The following EXOC1L variants were observed in gnomAD, a reference collection of about 807,000 sequenced individuals.
The protein encoded by EXOC1L is exocyst complex component 1-like.
EXOC1L carries 10 observed loss-of-function variants against 4.9 expected under a neutral mutation model. The ratio of observed to expected loss-of-function variants is 2.02; its 90% CI spans 1.25 to 3.43. The LOEUF (loss-of-function observed/expected upper bound fraction) is 3.43. Ranked by LOEUF, EXOC1L falls within the 30% of genes most tolerant of loss-of-function variation. The pLI is 0.00. For missense variants in EXOC1L, 114 were observed against 59.4 expected (o/e 1.92, Z -3.02); for synonymous variants, 41 against 20.8 (o/e 1.97, Z -2.63).
chr4:55,830,724 A>G (rs1720008687), intron 1 of EXOC1L, among the ~76,000 whole-genome samples: 1 of 152,202 alleles, frequency 6.6e-6, no homozygotes, highest in South Asian at 2.1e-4. Context: ...CATTTTGAAT[A>G]CTAGAATTTG....
chr4:55,831,231 G>T (rs1720022075), intron 1 of EXOC1L, 103 bp from the exon 2 acceptor site: 3 of 490,290 alleles, frequency 6.1e-6, no homozygotes, highest in Non-Finnish European at 1.1e-5. Context: ...TGGGTTCAAG[G>T]TCATTTTATT....
At chr4:55,823,003 A>G (rs181392816) in intron 1 of EXOC1L, among the ~76,000 whole-genome samples, 23 of 151,148 alleles carry the variant, frequency 1.5e-4, no homozygotes, top group Admixed American at 4.0e-4. Flanking sequence ...TTAATATAAA[A>G]TTAAAAATTG....
At chr4:55,824,423 C>T (rs11722734) in intron 1 of EXOC1L, among the ~76,000 whole-genome samples, 16,027 of 152,018 alleles carry the variant, frequency 0.11, 1,379 homozygotes, top group East Asian at 0.47. Context: ...AGTGCAGTGG[C>T]CTGATCTTGG....
chr4:55,821,211 C>A (rs961717459), intron 1 of EXOC1L, among the ~76,000 whole-genome samples: 4 of 151,734 alleles, frequency 2.6e-5, no homozygotes, highest in Non-Finnish European at 2.9e-5. Context: ...TAATATTTAC[C>A]CAATAATAAC....
chr4:55,819,926 C>T lies in EXOC1L; in HGVS notation c.-101C>T. 1 of 394,342 alleles carries T rather than the reference C, an allele frequency of 2.5e-6. No homozygotes were observed. The highest frequency in any genetic ancestry group is 4.5e-6 in the Non-Finnish European group (1 of 223,722). 24.4% of individuals were successfully genotyped at this position (394,342 alleles called of 1,614,324 possible). A position where few individuals can be genotyped will look rare whatever the true frequency, so the allele number is the denominator to read the frequency against. ...AGGGAGGGCTGAGAGGTGGGCAGGA[C>T]TCACCAAGGAGCTGCAAACCCAAAC... On this transcript the variant is annotated 5_prime_UTR_variant, in exon 1 of 3. Coordinates refer to ENST00000636125, the MANE Select transcript of EXOC1L (RefSeq NM_001351574.3).
chr4:55,828,476 T>C (rs1241389053), intron 1 of EXOC1L, among the ~76,000 whole-genome samples: 1 of 152,204 alleles, frequency 6.6e-6, no homozygotes, highest in East Asian at 1.9e-4. Flanking sequence ...CAGACGTCTT[T>C]CCTGGCATCT....
At chr4:55,822,146 A>G (rs1288763411) in intron 1 of EXOC1L, among the ~76,000 whole-genome samples, 1 of 152,198 alleles carries the variant, frequency 6.6e-6, no homozygotes, top group African/African-American at 2.4e-5. Context: ...AGTGTAGTCA[A>G]ATTCCATCAT....
Position 55,837,238 on chromosome 4 carries a change from A to C in EXOC1L, c.406A>C (p.Ile136Leu), listed in dbSNP as rs1183038939. 1 of 701,682 alleles carries C rather than the reference A, an allele frequency of 1.4e-6. No individual in the cohort carries two copies. The highest frequency in any genetic ancestry group is 1.7e-5 in the African/African-American group (1 of 57,320). The allele number at this position is 701,682 out of a possible 1,614,324, so 43.5% of individuals were successfully genotyped here. A position where few individuals can be genotyped will look rare whatever the true frequency, so the allele number is the denominator to read the frequency against. Reference protein sequence around the residue: ...LQIVNFDSTYINDDSIWSSNN... With the variant: ...LQIVNFDSTYLNDDSIWSSNN... ...GATCGTGAACTTTGATTCTACATACATTAACGATGATTCCATTTGGTCCTC... is the reference window on the plus strand; with the variant it reads ...GATCGTGAACTTTGATTCTACATACCTTAACGATGATTCCATTTGGTCCTC... The change falls in exon 3 of 3, where the codon ATT becomes CTT. Residue 136 changes from isoleucine to leucine, a missense_variant. By Grantham distance (5) the Ile-to-Leu change is conservative. Coordinates refer to ENST00000636125, the MANE Select transcript of EXOC1L (RefSeq NM_001351574.3).
intron 1 of EXOC1L, among the ~76,000 whole-genome samples, chr4:55,822,746 C>T (rs1719779648): frequency 1.3e-5 from 2 of 152,148 alleles, no homozygotes; most frequent in African/African-American, 4.8e-5. Context: ...TCAGTGGTGA[C>T]ATCTCTGAAA....
chr4:55,827,035 C>T (rs1286009414), intron 1 of EXOC1L, among the ~76,000 whole-genome samples: 2 of 152,200 alleles, frequency 1.3e-5, no homozygotes, highest in African/African-American at 2.4e-5. Context: ...AGTTTCTGAA[C>T]CTTAAAAGCT....
At chr4:55,834,499 G>T (rs1720112786) in intron 2 of EXOC1L, among the ~76,000 whole-genome samples, 1 of 151,914 alleles carries the variant, frequency 6.6e-6, no homozygotes, top group East Asian at 1.9e-4. Flanking sequence ...TATCCTATGT[G>T]CATGCATACT....
chr4:55,831,391 A>G lies in EXOC1L; in HGVS notation c.179A>G (p.Asp60Gly). ...VMVKHYRIGL[D>G]EKYEVTKKWS... ...GTGAAACACTACAGAATAGGTTTAGATGAAAAATATGAAGTAACAAAAAAG... is the reference window on the plus strand; with the variant it reads ...GTGAAACACTACAGAATAGGTTTAGGTGAAAAATATGAAGTAACAAAAAAG... The change falls in exon 2 of 3, where the codon GAT becomes GGT. Residue 60 changes from aspartate (D) to glycine (G), a missense_variant. Coordinates refer to ENST00000636125, the MANE Select transcript of EXOC1L (RefSeq NM_001351574.3). The G allele has an allele frequency of 1.4e-6, 1 of 693,454 alleles. No homozygotes were observed. The highest frequency in any genetic ancestry group is 2.6e-6 in the Non-Finnish European group (1 of 381,170). 43.0% of individuals were successfully genotyped at this position (693,454 alleles called of 1,614,324 possible).
intron 2 of EXOC1L, 94 bp from the exon 3 acceptor site, chr4:55,836,991 A>T (rs1720181426): frequency 1.9e-6 from 1 of 519,916 alleles, no homozygotes; most frequent in Non-Finnish European, 3.4e-6. Flanking sequence ...ATACTTTACA[A>T]TCAATAAACA....
At chr4:55,832,418 C>T (rs1204166703) in intron 2 of EXOC1L, among the ~76,000 whole-genome samples, 1 of 151,874 alleles carries the variant, frequency 6.6e-6, no homozygotes, top group African/African-American at 2.4e-5. Flanking sequence ...TTTTTAATAT[C>T]ACTATAGTAT....
At chr4:55,831,565 G>A (rs1720033705) in intron 2 of EXOC1L, 101 bp downstream of exon 2, 3 of 540,072 alleles carry the variant, frequency 5.6e-6, no homozygotes, top group South Asian at 5.4e-5. Flanking sequence ...TAAGTGTTAA[G>A]ATGACATTAT....
At chr4:55,825,849 G>A (rs1318132586) in intron 1 of EXOC1L, among the ~76,000 whole-genome samples, 1 of 152,054 alleles carries the variant, frequency 6.6e-6, no homozygotes, top group Non-Finnish European at 1.5e-5. Flanking sequence ...GGGAGGTCGA[G>A]GTGAGCATCC....
chr4:55,831,558 G>C (rs575403682), intron 2 of EXOC1L, 94 bp downstream of exon 2: 1 of 542,898 alleles, frequency 1.8e-6, no homozygotes, highest in Non-Finnish European at 3.2e-6. Flanking sequence ...CATGTACTAA[G>C]TGTTAAGATG....
chr4:55,836,979 T>G, intron 2 of EXOC1L, 106 bp from the exon 3 acceptor site: 1 of 510,620 alleles, frequency 2.0e-6, no homozygotes, highest in Non-Finnish European at 3.5e-6. Context: ...TGTTTGATAC[T>G]GATACTTTAC....
intron 1 of EXOC1L, among the ~76,000 whole-genome samples, chr4:55,830,075 A>G (rs767513932): frequency 2.0e-5 from 3 of 152,138 alleles, no homozygotes; most frequent in Non-Finnish European, 4.4e-5. Context: ...TTTAAGCCCC[A>G]TCTCAAATTC....
Sources: gnomAD v4.1 joint callset for allele counts (sites outside exome capture counted in the v4.1 genomes callset) on GRCh38, gnomAD v4.1.1 for gene constraint, MANE v1.5 for transcripts, NCBI Gene and HGNC (gene_info 2026-07-23, HGNC 2026-07-21) for gene names.